SEL1L2: variants seen among roughly 807,000 people sequenced by gnomAD.
SEL1L2 encodes the protein protein sel-1 homolog 2.
Under a neutral mutation model 98.8 loss-of-function variants are expected in SEL1L2, and 89 were observed. The ratio of observed to expected loss-of-function variants is 0.90; its 90% CI spans 0.76 to 1.07. The LOEUF is 1.07. SEL1L2 is among the 50% of genes least tolerant of loss of function. The pLI is 0.00. For synonymous variants in SEL1L2, 262 were observed against 278.5 expected (o/e 0.94, Z 0.59); for missense variants, 788 against 812.0 (o/e 0.97, Z 0.36).
At chr20:13,975,812 C>T (rs368572628) in intron 1 of SEL1L2, among the ~76,000 whole-genome samples, 20 of 152,048 alleles carry the variant, frequency 1.3e-4, no homozygotes, top group African/African-American at 4.1e-4. Flanking sequence ...ACAATAAAGG[C>T]ACAATGTGCT....
intron 5 of SEL1L2, among the ~76,000 whole-genome samples, chr20:13,907,099 G>A (rs1028680657): frequency 6.6e-6 from 1 of 152,162 alleles, no homozygotes; most frequent in Admixed American, 6.5e-5. Flanking sequence ...TCTTTTATAT[G>A]TCAATGATGT....
intron 2 of SEL1L2, among the ~76,000 whole-genome samples, chr20:13,939,718 G>C (rs1488785346): frequency 7.0e-6 from 1 of 142,084 alleles, no homozygotes; most frequent in African/African-American, 2.7e-5. Flanking sequence ...CCAGGCTGGA[G>C]AGCAATGGCA....
At chr20:13,903,423 T>C (rs780617803) in intron 5 of SEL1L2, among the ~76,000 whole-genome samples, 3 of 152,210 alleles carry the variant, frequency 2.0e-5, no homozygotes, top group Non-Finnish European at 2.9e-5. Flanking sequence ...AAGGTTCTAC[T>C]TATTTGGAGC....
intron 1 of SEL1L2, among the ~76,000 whole-genome samples, chr20:13,988,341 A>C (rs1215156337): frequency 6.6e-6 from 1 of 152,168 alleles, no homozygotes; most frequent in African/African-American, 2.4e-5. Flanking sequence ...CCTAGCCTTT[A>C]AAAACTGTTT....
rs193272871 is a variant in SEL1L2, at chr20:13,880,582, A to C, written c.958-2994T>G. ...AGCCAACCTGAGTTCTTGCTCTTGA[A>C]GAGTTAAGATCAAGTACTCATCCAT... On this transcript the variant is annotated intron_variant, in intron 10 of 19. Coordinates refer to ENST00000284951, the MANE Select transcript of SEL1L2 (RefSeq NM_025229.2). Among the ~76,000 whole-genome samples the C allele has an allele frequency of 1.3e-4, 20 of 152,096 alleles. No individual in the cohort carries two copies. The East Asian group carries it at 3.9e-3, about 29-fold the overall frequency.
At chr20:13,874,466 T>C (rs2046348580) in intron 12 of SEL1L2, among the ~76,000 whole-genome samples, 2 of 152,194 alleles carry the variant, frequency 1.3e-5, no homozygotes, top group Admixed American at 6.5e-5. Context: ...CCCAGATCAC[T>C]GCTGGTTGGT....
At chr20:13,868,387 A>G (rs1215881299) in intron 14 of SEL1L2, among the ~76,000 whole-genome samples, 1 of 152,024 alleles carries the variant, frequency 6.6e-6, no homozygotes, top group Non-Finnish European at 1.5e-5. Context: ...AGGTCTCTTC[A>G]TCTTAAAAGT....
At chr20:13,950,118 A>C (rs1334700285) in intron 2 of SEL1L2, among the ~76,000 whole-genome samples, 3 of 152,232 alleles carry the variant, frequency 2.0e-5, no homozygotes, top group Non-Finnish European at 4.4e-5. Flanking sequence ...TACCTAAAGT[A>C]GTCAAATTCA....
chr20:13,861,817 C>A (rs1990187428), intron 17 of SEL1L2, among the ~76,000 whole-genome samples: 1 of 152,168 alleles, frequency 6.6e-6, no homozygotes, highest in South Asian at 2.1e-4. Flanking sequence ...TTCCTCAAGG[C>A]CCTCTACCTG....
intron 2 of SEL1L2, among the ~76,000 whole-genome samples, chr20:13,944,414 G>A (rs544417265): frequency 6.6e-6 from 1 of 152,272 alleles, no homozygotes; most frequent in South Asian, 2.1e-4. Flanking sequence ...AAAAGGGATT[G>A]GATTCCGGAT....
At chr20:13,940,381 G>A (rs1600843194) in intron 2 of SEL1L2, among the ~76,000 whole-genome samples, 1 of 152,246 alleles carries the variant, frequency 6.6e-6, no homozygotes, top group East Asian at 1.9e-4. Flanking sequence ...GCCCTAAAGT[G>A]GGAACAAACT....
chr20:13,932,634 T>C (rs978752561), intron 2 of SEL1L2, among the ~76,000 whole-genome samples: 1 of 152,034 alleles, frequency 6.6e-6, no homozygotes, highest in Non-Finnish European at 1.5e-5. Flanking sequence ...TTTCACCATG[T>C]TGACCAGGCT....
chr20:13,926,596 G>C (rs2048917681), intron 3 of SEL1L2, among the ~76,000 whole-genome samples: 1 of 152,280 alleles, frequency 6.6e-6, no homozygotes, highest in East Asian at 1.9e-4. Flanking sequence ...TGGCTATGCA[G>C]CACTCTGTAG....
rs1384364730 is a variant in SEL1L2 at position 13,990,437 on chromosome 20, A to C, written c.58+40T>G. 4 of 1,412,310 alleles carry C rather than the reference A, an allele frequency of 2.8e-6. No homozygotes were observed. The African/African-American group carries it at 5.7e-5, about 20-fold the overall frequency. The allele number at this position is 1,412,310 out of a possible 1,614,324, so 87.5% of individuals were successfully genotyped here. Reference sequence around the variant, plus strand: ...CCTTGGCGCTGTTTGAGCAAAGAGAAGAGACCCTCATAGAGAACTCTAAGG... The same window carrying C: ...CCTTGGCGCTGTTTGAGCAAAGAGACGAGACCCTCATAGAGAACTCTAAGG... On this transcript the variant is annotated intron_variant, in intron 1 of 19. Transcript: ENST00000284951.
chr20:13,953,742 C>T (rs1422824996), intron 2 of SEL1L2, among the ~76,000 whole-genome samples: 2 of 152,114 alleles, frequency 1.3e-5, no homozygotes, highest in African/African-American at 4.8e-5. Context: ...TTTTCCTTTT[C>T]ACCCAATAAA....
At chr20:13,851,251 T>G (rs1415788717) in intron 18 of SEL1L2, 2 of 152,012 alleles carry the variant, frequency 1.3e-5, no homozygotes, top group African/African-American at 4.8e-5. Flanking sequence ...ATTGTACAGT[T>G]CTCTAAAATA....
At chr20:13,947,322 C>T (rs952048017) in intron 2 of SEL1L2, among the ~76,000 whole-genome samples, 7 of 152,162 alleles carry the variant, frequency 4.6e-5, no homozygotes, top group African/African-American at 1.2e-4. Flanking sequence ...TTCCATATCT[C>T]CTCTCCACTG....
chr20:13,919,190 G>T, intron 3 of SEL1L2, 67 bp from the exon 4 acceptor site: 1 of 981,700 alleles, frequency 1.0e-6, no homozygotes, highest in Non-Finnish European at 1.5e-6. Context: ...AAAATAATGT[G>T]CTAAAGTAAT....
intron 1 of SEL1L2, among the ~76,000 whole-genome samples, chr20:13,980,527 T>C (rs1707874011): frequency 1.3e-5 from 2 of 152,226 alleles, no homozygotes; most frequent in South Asian, 2.1e-4. Context: ...GGAAATCTTA[T>C]ACACTGTGAG....
Sources: allele counts gnomAD v4.1 joint callset (sites outside exome capture counted in the v4.1 genomes callset), GRCh38; gene constraint gnomAD v4.1.1; transcripts MANE v1.5; gene names NCBI Gene and HGNC (gene_info 2026-07-23, HGNC 2026-07-21).